NOVA1: variants seen among roughly 807,000 people sequenced by gnomAD.
NOVA1 encodes RNA-binding protein Nova-1.
NOVA1 carries 7 observed loss-of-function variants against 38.0 expected under a neutral mutation model. The observed-to-expected ratio is 0.18, with a 90% CI of 0.10 to 0.35. NOVA1 has a LOEUF of 0.35. Ranked by LOEUF, NOVA1 falls within the 10% of genes least tolerant of loss-of-function variation. The pLI is 1.00. For missense variants in NOVA1, 460 were observed against 616.0 expected (o/e 0.75, Z 2.68); for synonymous variants, 270 against 232.5 (o/e 1.16, Z -1.47).
intron 2 of NOVA1, among the ~76,000 whole-genome samples, chr14:26,573,526 A>C (rs929816363): frequency 6.6e-5 from 10 of 152,166 alleles, no homozygotes; most frequent in Non-Finnish European, 1.3e-4. Context: ...AAAGATCCAA[A>C]AGAATGAGAT....
At chr14:26,560,601 A>C (rs1237105765) in intron 2 of NOVA1, among the ~76,000 whole-genome samples, 2 of 152,194 alleles carry the variant, frequency 1.3e-5, no homozygotes, top group Non-Finnish European at 2.9e-5. Context: ...TGGTAGTTGT[A>C]AGGACAGACT....
At chr14:26,526,961 T>G (rs1889345580) in intron 2 of NOVA1, among the ~76,000 whole-genome samples, 1 of 152,160 alleles carries the variant, frequency 6.6e-6, no homozygotes, top group African/African-American at 2.4e-5. Flanking sequence ...ACCAGAATCT[T>G]GGACATCCTG....
At chr14:26,554,183 A>G (rs1348944655) in intron 2 of NOVA1, among the ~76,000 whole-genome samples, 20 of 136,520 alleles carry the variant, frequency 1.5e-4, no homozygotes, top group Admixed American at 4.3e-4. Context: ...AGAAAAAGAA[A>G]GAAGGAAGGA....
chr14:26,511,409 C>T (rs975201265), intron 2 of NOVA1, among the ~76,000 whole-genome samples: 6 of 152,050 alleles, frequency 3.9e-5, no homozygotes, highest in African/African-American at 1.2e-4. Flanking sequence ...CTCATTATAT[C>T]GTTAAACACT....
chr14:26,570,618 A>C (rs1447412971), intron 2 of NOVA1, among the ~76,000 whole-genome samples: 3 of 152,132 alleles, frequency 2.0e-5, no homozygotes, highest in African/African-American at 7.2e-5. Context: ...ATATGTATAC[A>C]CACATGTATA....
intron 2 of NOVA1, among the ~76,000 whole-genome samples, chr14:26,504,856 T>C (rs1041286376): frequency 5.3e-5 from 8 of 152,126 alleles, no homozygotes; most frequent in African/African-American, 1.9e-4. Context: ...AGAGGGTTTC[T>C]AGAGGAAGAG....
At chr14:26,487,443 T>C (rs553653140) in intron 2 of NOVA1, among the ~76,000 whole-genome samples, 8 of 152,160 alleles carry the variant, frequency 5.3e-5, no homozygotes, top group African/African-American at 1.9e-4. Context: ...TTATAATACA[T>C]ATATTTATAT....
At chr14:26,521,366 G>T (rs953771813) in intron 2 of NOVA1, among the ~76,000 whole-genome samples, 4 of 152,018 alleles carry the variant, frequency 2.6e-5, no homozygotes, top group Non-Finnish European at 4.4e-5. Flanking sequence ...AAAGTGACAT[G>T]CAGTTTTAAA....
At chr14:26,561,079 G>A (rs551581520) in intron 2 of NOVA1, among the ~76,000 whole-genome samples, 5 of 152,218 alleles carry the variant, frequency 3.3e-5, no homozygotes, top group Admixed American at 1.3e-4. Flanking sequence ...GATCCTTCGC[G>A]TGCTCAGTTC....
intron 4 of NOVA1, among the ~76,000 whole-genome samples, chr14:26,465,836 A>G (rs1340667109): frequency 6.6e-6 from 1 of 152,172 alleles, no homozygotes; most frequent in African/African-American, 2.4e-5. Context: ...ACAGAAAAAA[A>G]CCCTATCCTC....
chr14:26,484,200 C>T (rs945249157), intron 2 of NOVA1, among the ~76,000 whole-genome samples: 7 of 151,488 alleles, frequency 4.6e-5, no homozygotes, highest in African/African-American at 9.7e-5. Flanking sequence ...TTTGGGAGAC[C>T]GAGGCAGGCG....
At chr14:26,554,342 G>T (rs1891351823) in intron 2 of NOVA1, among the ~76,000 whole-genome samples, 1 of 151,418 alleles carries the variant, frequency 6.6e-6, no homozygotes, top group African/African-American at 2.4e-5. Flanking sequence ...AGGAGAAATA[G>T]GTATATGAGA....
intron 2 of NOVA1, among the ~76,000 whole-genome samples, chr14:26,540,240 C>T (rs113174533): frequency 1.3e-5 from 2 of 152,186 alleles, no homozygotes; most frequent in African/African-American, 4.8e-5. Context: ...AGCTCTGCCT[C>T]CTGTCAGATC....
intron 2 of NOVA1, among the ~76,000 whole-genome samples, chr14:26,515,133 A>G (rs1888370697): frequency 6.6e-6 from 1 of 151,982 alleles, no homozygotes; most frequent in Admixed American, 6.6e-5. Context: ...TTGAACCATG[A>G]AAACTATTTC....
rs183960345 is a variant in NOVA1 at position 26,521,362 on chromosome 14, A to G, written c.281-41219T>C. 3.9e-5 allele frequency among the ~76,000 whole-genome samples: 6 copies of G among 152,278 alleles called. No homozygotes were observed. The East Asian group carries it at 1.2e-3, about 29-fold the overall frequency. On this transcript the variant is annotated intron_variant, in intron 2 of 4. Coordinates refer to ENST00000539517, the MANE Select transcript of NOVA1 (RefSeq NM_002515.3). The stretch of plus-strand genomic sequence containing the variant: ...AAAATTCAAGTTAATTTAAAAAGTG[A>G]CATGCAGTTTTAAAAAATTTTAGAT...
At chr14:26,587,383 A>G (rs1361910028) in intron 2 of NOVA1, among the ~76,000 whole-genome samples, 1 of 150,800 alleles carries the variant, frequency 6.6e-6, no homozygotes, top group Non-Finnish European at 1.5e-5. Context: ...AAGTATGCCT[A>G]TATTCCTCGA....
At chr14:26,547,812 T>C (rs11159880) in intron 2 of NOVA1, among the ~76,000 whole-genome samples, 53,286 of 151,962 alleles carry the variant, frequency 0.35, 11,292 homozygotes, top group African/African-American at 0.6. Flanking sequence ...TACATAGGTA[T>C]ATTACGTGTA....
At chr14:26,590,496 A>G (rs903680526) in intron 2 of NOVA1, among the ~76,000 whole-genome samples, 1 of 151,948 alleles carries the variant, frequency 6.6e-6, no homozygotes, top group Admixed American at 6.6e-5. Flanking sequence ...CATAATATGT[A>G]GTCAATAAAT....
rs558155075 is a variant in NOVA1 at position 26,529,166 on chromosome 14, C to G, written c.281-49023G>C. Among the ~76,000 whole-genome samples the G allele has an allele frequency of 5.3e-5, 8 of 150,474 alleles. No homozygotes were observed. The South Asian group carries it at 1.3e-3, about 24-fold the overall frequency. ...CCTTTTTTTTCTTTTTAGACAGAAT[C>G]TCGCTCTGTCACCCAGGCTGGAGTG... On this transcript the variant is annotated intron_variant, in intron 2 of 4. Coordinates refer to ENST00000539517, the MANE Select transcript of NOVA1 (RefSeq NM_002515.3).
Sources: allele counts gnomAD v4.1 joint callset (sites outside exome capture counted in the v4.1 genomes callset), GRCh38; gene constraint gnomAD v4.1.1; transcripts MANE v1.5; gene names NCBI Gene and HGNC (gene_info 2026-07-23, HGNC 2026-07-21).